The following ANKS1B variants were observed in gnomAD, a reference collection of about 807,000 sequenced individuals.
The protein encoded by ANKS1B is ankyrin repeat and sterile alpha motif domain-containing protein 1B.
ANKS1B carries 36 observed loss-of-function variants against 148.3 expected under a neutral mutation model. That is an observed-to-expected ratio of 0.24 (90% confidence interval 0.19 to 0.32). ANKS1B has a LOEUF of 0.32. ANKS1B is among the 10% of genes least tolerant of loss of function. The pLI is 1.00. For missense variants in ANKS1B, 1,157 were observed against 1,542.6 expected, an observed-to-expected ratio of 0.75 and a Z score of 4.19; for synonymous variants, 542 against 560.8, an observed-to-expected ratio of 0.97 and a Z score of 0.47.
intron 1 of ANKS1B, among the ~76,000 whole-genome samples, chr12:99,859,474 C>T (rs779400855): frequency 6.6e-6 from 1 of 152,132 alleles, no homozygotes; most frequent in Non-Finnish European, 1.5e-5. Flanking sequence ...TTATGTAATT[C>T]AAATACTACC....
At chr12:99,764,567 T>G (rs970286111) in intron 8 of ANKS1B, among the ~76,000 whole-genome samples, 1 of 152,082 alleles carries the variant, frequency 6.6e-6, no homozygotes, top group Admixed American at 6.6e-5. Context: ...GGATGACAGG[T>G]GCACACCACC....
intron 15 of ANKS1B, among the ~76,000 whole-genome samples, chr12:99,102,891 T>C (rs754790940): frequency 6.6e-6 from 1 of 152,026 alleles, no homozygotes; most frequent in Non-Finnish European, 1.5e-5. Flanking sequence ...ATCACATCAC[T>C]GCACCCCAAC....
At chr12:99,310,685 T>C (rs959126394) in intron 12 of ANKS1B, among the ~76,000 whole-genome samples, 2 of 152,152 alleles carry the variant, frequency 1.3e-5, no homozygotes, top group African/African-American at 4.8e-5. Flanking sequence ...ATCAGCTAGC[T>C]ATCCTGGGTC....
chr12:99,950,351 A>T (rs1007130614), intron 1 of ANKS1B, among the ~76,000 whole-genome samples: 1 of 151,850 alleles, frequency 6.6e-6, no homozygotes, highest in Non-Finnish European at 1.5e-5. Flanking sequence ...TATCATTTGA[A>T]TTCCTATTAT....
At chr12:99,855,751 CAAAAGGAACCCTCA>C (rs748884425) in intron 1 of ANKS1B, among the ~76,000 whole-genome samples, 8 of 151,948 alleles carry the variant, frequency 5.3e-5, no homozygotes, top group Non-Finnish European at 1.0e-4. Context: ...AAATCAACTC[CAAAAGGAACCCTCA>C]AAACCATGGA....
At chr12:99,936,048 C>G (rs539518877) in intron 1 of ANKS1B, among the ~76,000 whole-genome samples, 1 of 152,206 alleles carries the variant, frequency 6.6e-6, no homozygotes, top group South Asian at 2.1e-4. Flanking sequence ...ATAAAATGAT[C>G]AGATTTTGCG....
At chr12:98,780,597 A>G (rs1361540275) in intron 24 of ANKS1B, among the ~76,000 whole-genome samples, 1 of 152,218 alleles carries the variant, frequency 6.6e-6, no homozygotes, top group African/African-American at 2.4e-5. Flanking sequence ...ACTCTCTCCC[A>G]TCTCAGAGGC....
At chr12:99,934,417 GA>G (rs1394526271) in intron 1 of ANKS1B, among the ~76,000 whole-genome samples, 2 of 152,036 alleles carry the variant, frequency 1.3e-5, no homozygotes, top group Non-Finnish European at 2.9e-5. Context: ...TCTTTGCTGG[GA>G]GACTTTTTAT....
At chr12:99,072,050 AG>A (rs1267057351) in intron 16 of ANKS1B, among the ~76,000 whole-genome samples, 3 of 152,170 alleles carry the variant, frequency 2.0e-5, no homozygotes, top group Non-Finnish European at 4.4e-5. Context: ...CAAAATTATC[AG>A]TTTAGTAGAT....
chr12:98,757,883 CTACCT>C (rs2098291888), intron 25 of ANKS1B, among the ~76,000 whole-genome samples: 1 of 151,884 alleles, frequency 6.6e-6, no homozygotes, highest in South Asian at 2.1e-4. Flanking sequence ...GGAGTATTGT[CTACCT>C]TACAGAGACC....
chr12:98,964,486 T>A (rs2099876096), intron 17 of ANKS1B, among the ~76,000 whole-genome samples: 1 of 152,226 alleles, frequency 6.6e-6, no homozygotes, highest in Non-Finnish European at 1.5e-5. Context: ...ATTGAAGATA[T>A]GTCTTATCTC....
rs141215002 is a variant in ANKS1B at position 99,193,396 on chromosome 12, GTCCTGGTAAGT to G, written c.2420-39012_2420-39002del. ...AACTAAGAAAAATCTGAACAAAGAG[GTCCTGGTAAGT>G]TCCTTCCAGTTTATTACAAATAGTT... On this transcript the variant is annotated intron_variant, in intron 14 of 26. Coordinates refer to ENST00000683438, the MANE Select transcript of ANKS1B (RefSeq NM_001352186.2). Among the ~76,000 whole-genome samples, 628 of 152,240 alleles carry G rather than the reference GTCCTGGTAAGT, an allele frequency of 4.1e-3. 22 individuals carry two copies. The East Asian group carries it at 0.085, about 21-fold the overall frequency.
intron 14 of ANKS1B, among the ~76,000 whole-genome samples, chr12:99,202,590 A>T (rs951745711): frequency 6.6e-6 from 1 of 152,258 alleles, no homozygotes; most frequent in African/African-American, 2.4e-5. Context: ...TTGTTAGATT[A>T]AAATAGTAAT....
At chr12:98,806,856 G>A (rs1396250546) in intron 20 of ANKS1B, among the ~76,000 whole-genome samples, 1 of 152,176 alleles carries the variant, frequency 6.6e-6, no homozygotes, top group Non-Finnish European at 1.5e-5. Context: ...AGTCCAAGAG[G>A]AACTGCTGGG....
At chr12:98,959,219 G>C (rs2099867278) in intron 17 of ANKS1B, among the ~76,000 whole-genome samples, 1 of 152,142 alleles carries the variant, frequency 6.6e-6, no homozygotes, top group African/African-American at 2.4e-5. Context: ...CAGGATATGG[G>C]CATATCCAGC....
intron 15 of ANKS1B, among the ~76,000 whole-genome samples, chr12:99,133,789 T>C (rs939882703): frequency 6.6e-6 from 1 of 152,232 alleles, no homozygotes; most frequent in Admixed American, 6.5e-5. Flanking sequence ...CTCTACTTCA[T>C]GCCTCCTTTT....
At chr12:99,670,446 TACTTA>T (rs146036341) in intron 8 of ANKS1B, among the ~76,000 whole-genome samples, 238 of 152,268 alleles carry the variant, frequency 1.6e-3, no homozygotes, top group Non-Finnish European at 2.8e-3. Context: ...ATTTCATTGC[TACTTA>T]ACTTAATTAA....
intron 9 of ANKS1B, among the ~76,000 whole-genome samples, chr12:99,613,716 G>T (rs1427264550): frequency 6.6e-6 from 1 of 152,024 alleles, no homozygotes; most frequent in Non-Finnish European, 1.5e-5. Context: ...GTAGAGGGTA[G>T]GAGGAGGGAG....
rs896300453 is a variant in ANKS1B at position 98,744,268 on chromosome 12, A to G, written c.*1471T>C. 7 of 940,980 alleles carry G rather than the reference A, an allele frequency of 7.4e-6. No homozygotes were observed. Among genetic ancestry groups the G allele is most frequent in the Non-Finnish European group, 8.9e-6 (7 of 789,142 alleles). The allele number at this position is 940,980 out of a possible 1,614,324, so 58.3% of individuals were successfully genotyped here. On this transcript the variant is annotated 3_prime_UTR_variant, in exon 27 of 27. Transcript: ENST00000683438. ...TAAAATTCTTCAACACTGAACTAAA[A>G]CCGTATACATTTGTTAGTTTGAAAT...
Sources: gnomAD v4.1 joint callset for allele counts (sites outside exome capture counted in the v4.1 genomes callset) on GRCh38, gnomAD v4.1.1 for gene constraint, MANE v1.5 for transcripts, NCBI Gene and HGNC (gene_info 2026-07-23, HGNC 2026-07-21) for gene names.